The following THADA variants were observed in gnomAD, a reference collection of about 807,000 sequenced individuals.
The protein encoded by THADA is THADA armadillo repeat containing.
THADA carries 213 observed loss-of-function variants against 219.8 expected under a neutral mutation model. The ratio of observed to expected loss-of-function variants is 0.97; its 90% confidence interval spans 0.87 to 1.09. The LOEUF (loss-of-function observed/expected upper bound fraction) is 1.09, where lower values mean the gene tolerates loss of function less well. THADA is among the 50% of genes least tolerant of loss of function. The probability of loss-of-function intolerance (pLI) is 0.00; values close to 1 mark genes in which losing one functional copy is unlikely to be tolerated. For synonymous variants in THADA, 1,018 were observed against 828.9 expected (o/e 1.23, Z -3.92); for missense variants, 2,956 against 2,311.3 (o/e 1.28, Z -5.72).
intron 36 of THADA, among the ~76,000 whole-genome samples, chr2:43,268,987 C>T (rs75755026): frequency 0.059 from 9,054 of 152,262 alleles, 356 homozygotes; most frequent in South Asian, 0.18. Flanking sequence ...GACCCTAACA[C>T]CTGAAACTGG....
rs532712794 is a variant in THADA at position 43,516,609 on chromosome 2, G to A, written c.3375-7829C>T. Among the ~76,000 whole-genome samples the A allele has an allele frequency of 4.7e-4, 71 of 152,224 alleles. 1 individual carries two copies. The highest frequency in any genetic ancestry group is 3.9e-3 in the Admixed American group (59 of 15,268). ...ATGTTTAAAAATTGGGTAAAATAAG[G>A]GGGTAGAAGAGACGGAAGCTAAATA... On this transcript the variant is annotated intron_variant, in intron 22 of 37. Coordinates refer to ENST00000405975, the MANE Select transcript of THADA (RefSeq NM_022065.5).
chr2:43,530,536 TAAG>T (rs1013644332), intron 21 of THADA, among the ~76,000 whole-genome samples: 11 of 152,354 alleles, frequency 7.2e-5, no homozygotes, highest in Admixed American at 7.2e-4. Flanking sequence ...AAGAGATTTC[TAAG>T]AAGGTACTTA....
intron 36 of THADA, among the ~76,000 whole-genome samples, chr2:43,268,225 C>T (rs968869233): frequency 2.0e-5 from 3 of 152,210 alleles, no homozygotes; most frequent in Non-Finnish European, 4.4e-5. Context: ...ACTTTTAGCT[C>T]ATCATGATGC....
chr2:43,528,591 A>G (rs1267229982), intron 21 of THADA, among the ~76,000 whole-genome samples: 2 of 152,178 alleles, frequency 1.3e-5, no homozygotes, highest in Admixed American at 1.3e-4. Flanking sequence ...GAACCAGAAC[A>G]TGAAGCCAAG....
chr2:43,293,321 C>G, intron 31 of THADA, 108 bp from the exon 32 acceptor site: 1 of 1,269,774 alleles, frequency 7.9e-7, no homozygotes, highest in Non-Finnish European at 1.1e-6. Flanking sequence ...TCAGATGTCT[C>G]CCATAAGCAG....
chr2:43,549,182 A>T (rs766331546), intron 20 of THADA, 28 bp downstream of exon 20: 534 of 1,515,544 alleles, frequency 3.5e-4, no homozygotes, highest in Non-Finnish European at 4.3e-4. Context: ...TTAAACATGA[A>T]TTACAGTATC....
At position 43,440,861 on chromosome 2, in the gene THADA, G is replaced by A. The variant is rs1264748879; in HGVS notation, c.3837-10559C>T. On this transcript the variant is annotated intron_variant, in intron 26 of 37. Coordinates refer to ENST00000405975, the MANE Select transcript of THADA (RefSeq NM_022065.5). Reference sequence around the variant, plus strand: ...ATACCACTCTGAGAAAAGGGCAGTGGAGCTACTATTCTAGGATTAAAGTCA... The same window carrying A: ...ATACCACTCTGAGAAAAGGGCAGTGAAGCTACTATTCTAGGATTAAAGTCA... 2.6e-5 allele frequency among the ~76,000 whole-genome samples: 4 copies of A among 152,286 alleles called. No individual in the cohort carries two copies. In the East Asian group the frequency reaches 7.7e-4, roughly 29 times the overall value.
Position 43,592,318 on chromosome 2 carries a change from T to G in THADA, c.75A>C (p.Lys25Asn). ...TICHQDLETL[K>N]SFADVEGKNL... ...TAAGGGAAACCAGAAGTCACCTACA[T>G]TTCAAAGTTTCAAGGTCCTGATGGC... is the stretch of plus-strand genomic sequence containing the variant. Residue 25 changes from lysine (K) to asparagine (N), a missense_variant and splice_region_variant, in exon 2 of 38, where the codon AAA becomes AAC. By Grantham distance (94) the Lys-to-Asn change is moderately conservative. Coordinates refer to ENST00000405975, the MANE Select transcript of THADA (RefSeq NM_022065.5). The G allele has an allele frequency of 1.9e-6, 3 of 1,600,442 alleles. No individual in the cohort carries two copies. The highest frequency in any genetic ancestry group is 2.6e-6 in the Non-Finnish European group (3 of 1,173,866).
intron 25 of THADA, among the ~76,000 whole-genome samples, chr2:43,493,477 G>C (rs958569632): frequency 6.6e-6 from 1 of 152,166 alleles, no homozygotes; most frequent in African/African-American, 2.4e-5. Context: ...CCTGGCGACA[G>C]AGCAAGACTC....
intron 26 of THADA, among the ~76,000 whole-genome samples, chr2:43,475,618 G>C (rs1685440971): frequency 6.6e-6 from 1 of 152,118 alleles, no homozygotes; most frequent in Non-Finnish European, 1.5e-5. Context: ...TCATATTGCA[G>C]AATAGCATTT....
intron 35 of THADA, among the ~76,000 whole-genome samples, chr2:43,280,197 T>A (rs942063433): frequency 2.0e-5 from 3 of 152,202 alleles, no homozygotes; most frequent in African/African-American, 7.2e-5. Flanking sequence ...TGCCCTGCTC[T>A]CCTAGTTGAG....
At chr2:43,252,747 TCAAC>T (rs1669930824) in intron 36 of THADA, among the ~76,000 whole-genome samples, 1 of 152,144 alleles carries the variant, frequency 6.6e-6, no homozygotes, top group Non-Finnish European at 1.5e-5. Context: ...GCCACCAGGC[TCAAC>T]AATGTTCCCT....
At chr2:43,497,890 A>AAAAC (rs902781304) in intron 25 of THADA, among the ~76,000 whole-genome samples, 4 of 152,232 alleles carry the variant, frequency 2.6e-5, no homozygotes, top group Middle Eastern at 3.4e-3. Context: ...AACTCAATTA[A>AAAAC]AAACAAACAA....
chr2:43,417,938 T>C (rs914621165), intron 28 of THADA, among the ~76,000 whole-genome samples: 2 of 152,214 alleles, frequency 1.3e-5, no homozygotes, highest in African/African-American at 4.8e-5. Flanking sequence ...TTAATATGTG[T>C]AAAGTCCTAA....
rs1287398671 is a variant in THADA at position 43,232,652 on chromosome 2, C to T, written c.5466+61G>A. ...AGCCCAGCTGAGGCTGTAGGTGCTGCATCTAGCGGGTTTAGGACACTCCAA... is the reference window on the plus strand; with the variant it reads ...AGCCCAGCTGAGGCTGTAGGTGCTGTATCTAGCGGGTTTAGGACACTCCAA... On this transcript the variant is annotated intron_variant, in intron 37 of 37. Transcript: ENST00000405975. 2.6e-6 allele frequency: 4 copies of T among 1,550,350 alleles called. No individual in the cohort carries two copies. The East Asian group carries it at 6.8e-5, about 27-fold the overall frequency.
intron 36 of THADA, among the ~76,000 whole-genome samples, chr2:43,258,023 G>T (rs539854593): frequency 1.3e-5 from 2 of 152,086 alleles, no homozygotes; most frequent in African/African-American, 4.8e-5. Context: ...TGCTTATTAG[G>T]TTTATTACTG....
intron 31 of THADA, among the ~76,000 whole-genome samples, chr2:43,298,930 C>T (rs904678500): frequency 7.2e-5 from 11 of 152,130 alleles, no homozygotes; most frequent in African/African-American, 2.7e-4. Context: ...TTGAGCATCT[C>T]TAATCTGAAA....
At chr2:43,349,888 C>T (rs1168242063) in intron 29 of THADA, among the ~76,000 whole-genome samples, 3 of 152,220 alleles carry the variant, frequency 2.0e-5, no homozygotes, top group Non-Finnish European at 4.4e-5. Context: ...CTATCACCTT[C>T]AGCCAAGTAT....
chr2:43,545,634 C>T (rs966311260), intron 20 of THADA, among the ~76,000 whole-genome samples: 1 of 152,206 alleles, frequency 6.6e-6, no homozygotes, highest in Non-Finnish European at 1.5e-5. Flanking sequence ...TTATCCATTT[C>T]TTCTAGATTT....
Sources: gnomAD v4.1 joint callset for allele counts (sites outside exome capture counted in the v4.1 genomes callset) on GRCh38, gnomAD v4.1.1 for gene constraint, MANE v1.5 for transcripts, NCBI Gene and HGNC (gene_info 2026-07-23, HGNC 2026-07-21) for gene names.